Variants in XKR9 observed in about 807,000 individuals in gnomAD.
XKR9 encodes the protein XK related 9.
In XKR9, 32 loss-of-function variants were observed where a neutral mutation model predicts 32.0. That is an observed-to-expected ratio of 1.00 (90% CI 0.76 to 1.34). The LOEUF is 1.34. Among genes scored for constraint, XKR9 ranks in the 40% most tolerant of loss-of-function variants. The probability of loss-of-function intolerance (pLI) is 0.00; values close to 1 mark genes in which losing one functional copy is unlikely to be tolerated. For synonymous variants in XKR9, 168 were observed against 143.4 expected (o/e 1.17, Z -1.22); for missense variants, 546 against 429.7 (o/e 1.27, Z -2.39).
chr8:70,785,735 C>CTA (rs201128769), intron 2 of XKR9, among the ~76,000 whole-genome samples: 210 of 113,104 alleles, frequency 1.9e-3, no homozygotes, highest in South Asian at 5.8e-3. Context: ...CTCTCTCTCT[C>CTA]TCTCTATATA....
At chr8:70,905,133 C>T in the XKR9 span, among the ~76,000 whole-genome samples, 7 of 151,986 alleles carry the variant, frequency 4.6e-5, no homozygotes, top group African/African-American at 9.7e-5. Flanking sequence ...ATCTTTGTGG[C>T]GTTCTCTGTA....
At chr8:71,045,715 C>T in the XKR9 span, among the ~76,000 whole-genome samples, 1 of 152,126 alleles carries the variant, frequency 6.6e-6, no homozygotes, top group Non-Finnish European at 1.5e-5. Flanking sequence ...CTCTCCACTT[C>T]AGTAGGAGAG....
chr8:70,813,794 C>T, the XKR9 span, among the ~76,000 whole-genome samples: 1 of 152,170 alleles, frequency 6.6e-6, no homozygotes, highest in African/African-American at 2.4e-5. Context: ...CAGGAAACAA[C>T]AGGTGCTGGA....
chr8:71,012,696 A>G, the XKR9 span, among the ~76,000 whole-genome samples: 9 of 152,124 alleles, frequency 5.9e-5, no homozygotes, highest in Non-Finnish European at 1.2e-4. Flanking sequence ...AGTCCTCACA[A>G]AACTCCCCTT....
chr8:70,977,732 C>A, the XKR9 span, among the ~76,000 whole-genome samples: 2 of 152,154 alleles, frequency 1.3e-5, no homozygotes, highest in African/African-American at 2.4e-5. Context: ...GTGGAGAGTT[C>A]TGTAGATGTC....
the XKR9 span, among the ~76,000 whole-genome samples, chr8:71,029,385 C>T: frequency 2.0e-5 from 3 of 152,122 alleles, no homozygotes; most frequent in African/African-American, 7.2e-5. Context: ...ATGATACTCT[C>T]AGTTTTTTGA....
the XKR9 span, among the ~76,000 whole-genome samples, chr8:71,041,774 T>C: frequency 2.0e-3 from 301 of 152,284 alleles, no homozygotes; most frequent in Non-Finnish European, 3.7e-3. Context: ...CTCTCTATCA[T>C]TGCTGCCATG....
At chr8:70,718,340 A>G (rs975727012) in intron 4 of XKR9, among the ~76,000 whole-genome samples, 1 of 151,870 alleles carries the variant, frequency 6.6e-6, no homozygotes, top group African/African-American at 2.4e-5. Flanking sequence ...GTTCTGGGGT[A>G]CATGTGCAGA....
At chr8:70,811,093 A>T in the XKR9 span, among the ~76,000 whole-genome samples, 3 of 152,326 alleles carry the variant, frequency 2.0e-5, no homozygotes, top group East Asian at 5.8e-4. Context: ...AAACTGTCTC[A>T]CAGACCATAG....
At chr8:70,853,682 C>G in the XKR9 span, among the ~76,000 whole-genome samples, 2 of 152,146 alleles carry the variant, frequency 1.3e-5, no homozygotes, top group South Asian at 4.2e-4. Context: ...CCTCACTCCC[C>G]CCACCCCACA....
downstream of XKR9, among the ~76,000 whole-genome samples, chr8:70,740,522 C>T (rs181971209): frequency 4.1e-4 from 62 of 152,270 alleles, no homozygotes; most frequent in East Asian, 0.012. Context: ...GAACTGCGTT[C>T]CTTTGGAGGA....
At chr8:70,854,932 G>T in the XKR9 span, among the ~76,000 whole-genome samples, 1 of 152,144 alleles carries the variant, frequency 6.6e-6, no homozygotes, top group African/African-American at 2.4e-5. Flanking sequence ...TAGCCTTGTA[G>T]TATAGTTTGA....
the XKR9 span, among the ~76,000 whole-genome samples, chr8:70,849,232 CA>C: frequency 6.6e-5 from 10 of 151,742 alleles, no homozygotes; most frequent in African/African-American, 2.4e-4. Context: ...CAAAACAAAA[CA>C]AAACAAAAAA....
At chr8:70,718,946 ATTC>A (rs1806183488) in intron 4 of XKR9, among the ~76,000 whole-genome samples, 1 of 152,134 alleles carries the variant, frequency 6.6e-6, no homozygotes, top group African/African-American at 2.4e-5. Flanking sequence ...GTGTAAAAGC[ATTC>A]TTATTTCTCC....
chr8:70,837,941 T>G, the XKR9 span, among the ~76,000 whole-genome samples: 3 of 152,276 alleles, frequency 2.0e-5, no homozygotes, highest in East Asian at 5.8e-4. Context: ...TATTTCAATC[T>G]TCATTATCAT....
the XKR9 span, among the ~76,000 whole-genome samples, chr8:70,854,617 T>A: frequency 6.6e-6 from 1 of 152,210 alleles, no homozygotes; most frequent in African/African-American, 2.4e-5. Flanking sequence ...TCCTGAATGG[T>A]ATTGCCCAGG....
chr8:70,934,440 C>A, the XKR9 span, among the ~76,000 whole-genome samples: 1 of 152,018 alleles, frequency 6.6e-6, no homozygotes, highest in African/African-American at 2.4e-5. Flanking sequence ...CAATCCATTT[C>A]TGTAGGATTT....
chr8:70,860,709 GTT>G, the XKR9 span, among the ~76,000 whole-genome samples: 1 of 149,178 alleles, frequency 6.7e-6, no homozygotes, highest in Admixed American at 6.7e-5. Flanking sequence ...TCTCCTGCTT[GTT>G]TATAAATGTC....
At chr8:70,973,928 T>C in the XKR9 span, among the ~76,000 whole-genome samples, 1 of 152,228 alleles carries the variant, frequency 6.6e-6, no homozygotes, top group East Asian at 1.9e-4. Flanking sequence ...GAATAGAATG[T>C]ATATGCTGCA....
Sources: gnomAD v4.1 joint callset for allele counts (sites outside exome capture counted in the v4.1 genomes callset) on GRCh38, gnomAD v4.1.1 for gene constraint, MANE v1.5 for transcripts, NCBI Gene and HGNC (gene_info 2026-07-23, HGNC 2026-07-21) for gene names.